Variants in MAN1A1 observed in about 807,000 individuals in gnomAD.
MAN1A1 encodes the protein mannosyl-oligosaccharide 1,2-alpha-mannosidase IA.
Under a neutral mutation model 70.8 loss-of-function variants are expected in MAN1A1, and 29 were observed. The observed-to-expected ratio is 0.41, with a 90% CI of 0.31 to 0.56. The LOEUF (loss-of-function observed/expected upper bound fraction) is 0.56, where lower values mean the gene tolerates loss of function less well. Ranked by LOEUF, MAN1A1 falls within the 20% of genes least tolerant of loss-of-function variation. The pLI is 0.29. For synonymous variants in MAN1A1, 349 were observed against 330.1 expected, an observed-to-expected ratio of 1.06 and a Z score of -0.62; for missense variants, 747 against 841.3, an observed-to-expected ratio of 0.89 and a Z score of 1.39.
intron 6 of MAN1A1, among the ~76,000 whole-genome samples, chr6:119,226,391 A>G (rs1486662336): frequency 1.3e-5 from 2 of 152,190 alleles, no homozygotes; most frequent in Non-Finnish European, 2.9e-5. Flanking sequence ...GGGAACCCTA[A>G]TCTTTAAAAG....
chr6:119,308,640 T>C (rs1305802791), intron 2 of MAN1A1, among the ~76,000 whole-genome samples: 1 of 152,148 alleles, frequency 6.6e-6, no homozygotes, highest in Non-Finnish European at 1.5e-5. Context: ...TAAATCTATA[T>C]TAAAACTAAT....
chr6:119,243,136 CTG>C (rs1307795815), intron 6 of MAN1A1, among the ~76,000 whole-genome samples: 2 of 152,188 alleles, frequency 1.3e-5, no homozygotes, highest in African/African-American at 4.8e-5. Context: ...AGATGGAGCT[CTG>C]ATTTTATACT....
At chr6:119,313,818 A>T (rs1191454982) in intron 2 of MAN1A1, among the ~76,000 whole-genome samples, 1 of 152,026 alleles carries the variant, frequency 6.6e-6, no homozygotes, top group Non-Finnish European at 1.5e-5. Flanking sequence ...GGTAGGCTCG[A>T]AAAAGGGGTC....
At chr6:119,246,183 C>T (rs1213551410) in intron 6 of MAN1A1, among the ~76,000 whole-genome samples, 1 of 152,136 alleles carries the variant, frequency 6.6e-6, no homozygotes, top group Non-Finnish European at 1.5e-5. Flanking sequence ...ATGGACTCGA[C>T]TTTTGCAAAG....
intron 5 of MAN1A1, among the ~76,000 whole-genome samples, chr6:119,264,895 C>T (rs935760925): frequency 6.6e-6 from 1 of 152,096 alleles, no homozygotes; most frequent in African/African-American, 2.4e-5. Context: ...TAGCATAGGA[C>T]TGGTGATAGG....
intron 2 of MAN1A1, among the ~76,000 whole-genome samples, chr6:119,327,064 G>A (rs892029302): frequency 6.6e-6 from 1 of 152,190 alleles, no homozygotes; most frequent in Non-Finnish European, 1.5e-5. Context: ...ACATGGCAAA[G>A]GGAGTTGGCA....
intron 9 of MAN1A1, 94 bp from the exon 10 acceptor site, chr6:119,189,977 AC>A: frequency 1.1e-6 from 1 of 944,378 alleles, no homozygotes. Context: ...AATAGAATAC[AC>A]CTGACAATCA....
At chr6:119,302,246 G>T in intron 3 of MAN1A1, 143 bp from the exon 4 acceptor site, 1 of 504,106 alleles carries the variant, frequency 2.0e-6, no homozygotes. Flanking sequence ...TTCTTTCAAT[G>T]AAAGTATAAA....
intron 2 of MAN1A1, among the ~76,000 whole-genome samples, chr6:119,339,441 T>C (rs1773544806): frequency 6.6e-6 from 1 of 152,224 alleles, no homozygotes; most frequent in South Asian, 2.1e-4. Context: ...GGATATACTG[T>C]GCCAACATAA....
chr6:119,237,484 C>T (rs777534957), intron 6 of MAN1A1, among the ~76,000 whole-genome samples: 5 of 152,066 alleles, frequency 3.3e-5, no homozygotes, highest in African/African-American at 9.7e-5. Context: ...TCACTGCTGC[C>T]GTCAGTCAGT....
At chr6:119,202,251 A>G (rs1375859118) in intron 7 of MAN1A1, among the ~76,000 whole-genome samples, 4 of 152,108 alleles carry the variant, frequency 2.6e-5, no homozygotes, top group Admixed American at 2.6e-4. Context: ...TTTCTTTTTA[A>G]AGTTGTTTAA....
rs143633749 is a variant in MAN1A1, at chr6:119,275,777, A to C, written c.897+14906T>G. On this transcript the variant is annotated intron_variant, in intron 5 of 12. Coordinates refer to ENST00000368468, the MANE Select transcript of MAN1A1 (RefSeq NM_005907.4). ...CATTTTTATGAGATTTAGGTATGTA[A>C]CTGATAAGCAAGTAAACAGAAAAGG... is the stretch of plus-strand genomic sequence containing the variant. Among the ~76,000 whole-genome samples, 926 of 152,244 alleles carry C rather than the reference A, an allele frequency of 6.1e-3. 6 individuals are homozygous for C. Among genetic ancestry groups the C allele is most frequent in the African/African-American group, 0.021 (876 of 41,570 alleles).
chr6:119,292,473 TA>T (rs1227135689), intron 4 of MAN1A1, among the ~76,000 whole-genome samples: 1 of 151,980 alleles, frequency 6.6e-6, no homozygotes, highest in Non-Finnish European at 1.5e-5. Flanking sequence ...GAAATGGCAA[TA>T]AGGACTGATA....
At chr6:119,237,353 C>T (rs1200275563) in intron 6 of MAN1A1, among the ~76,000 whole-genome samples, 1 of 152,050 alleles carries the variant, frequency 6.6e-6, no homozygotes, top group Non-Finnish European at 1.5e-5. Context: ...CAGTAAACTT[C>T]ATTATTGGCT....
chr6:119,322,522 A>G (rs1312709627), intron 2 of MAN1A1, among the ~76,000 whole-genome samples: 2 of 152,180 alleles, frequency 1.3e-5, no homozygotes, highest in Non-Finnish European at 2.9e-5. Flanking sequence ...GAGTACCACA[A>G]TAAAATGCCA....
At chr6:119,287,721 C>T (rs1582770184) in intron 5 of MAN1A1, among the ~76,000 whole-genome samples, 1 of 151,892 alleles carries the variant, frequency 6.6e-6, no homozygotes, top group African/African-American at 2.4e-5. Flanking sequence ...CCTGCCATAT[C>T]AAAAGAAACT....
At chr6:119,193,745 G>A in intron 9 of MAN1A1, 32 bp downstream of exon 9, 1 of 1,446,532 alleles carries the variant, frequency 6.9e-7, no homozygotes, top group South Asian at 1.2e-5. Context: ...AGTTAGGGCT[G>A]AGTGGCAAAG....
intron 2 of MAN1A1, among the ~76,000 whole-genome samples, chr6:119,344,476 G>T (rs1269051205): frequency 1.3e-5 from 2 of 152,242 alleles, no homozygotes; most frequent in African/African-American, 2.4e-5. Context: ...CTGGGGAAGG[G>T]CCTCTGGGTG....
At chr6:119,326,860 G>C (rs954566973) in intron 2 of MAN1A1, among the ~76,000 whole-genome samples, 1 of 152,150 alleles carries the variant, frequency 6.6e-6, no homozygotes, top group South Asian at 2.1e-4. Flanking sequence ...TATGGGTGAG[G>C]ACACAAAGCC....
Sources: gnomAD v4.1 joint callset for allele counts (sites outside exome capture counted in the v4.1 genomes callset) on GRCh38, gnomAD v4.1.1 for gene constraint, MANE v1.5 for transcripts, NCBI Gene and HGNC (gene_info 2026-07-23, HGNC 2026-07-21) for gene names.